The following GLIPR1 variants were observed in gnomAD, a reference collection of about 807,000 sequenced individuals.
GLIPR1 encodes the protein glioma pathogenesis-related protein 1.
A neutral mutation model predicts 30.3 loss-of-function variants in GLIPR1; 38 were observed. The observed-to-expected ratio is 1.26, with a 90% CI of 0.97 to 1.65. The LOEUF (loss-of-function observed/expected upper bound fraction) is 1.65, where lower values mean the gene tolerates loss of function less well. Ranked by LOEUF, GLIPR1 falls within the 40% of genes most tolerant of loss-of-function variation. The pLI, the probability that GLIPR1 is intolerant of heterozygous loss-of-function variation, is 0.00. For missense variants in GLIPR1, 285 were observed against 326.5 expected (o/e 0.87, Z 0.98); for synonymous variants, 122 against 110.6 (o/e 1.10, Z -0.65).
chr12:75,499,619 T>G lies in GLIPR1; in HGVS notation c.*641T>G, dbSNP rs1056904. 87,140 of 345,396 alleles carry G rather than the reference T, an allele frequency of 0.25. 11,941 individuals carry two copies. Among genetic ancestry groups the G allele is most frequent in the South Asian group, 0.36 (5,236 of 14,694 alleles). 21.4% of individuals were successfully genotyped at this position (345,396 alleles called of 1,614,324 possible). On this transcript the variant is annotated 3_prime_UTR_variant, in exon 6 of 6. Transcript: ENST00000266659. ...ATGTATACAAAGACTTATATACCAC[T>G]TTCTCGTATAAATTTTTCAAAAAAT...
intron 2 of GLIPR1, among the ~76,000 whole-genome samples, chr12:75,486,538 C>T (rs1418165304): frequency 2.0e-5 from 3 of 152,102 alleles, no homozygotes. Context: ...TGAACTCAAG[C>T]CTTGTGGCTC....
chr12:75,495,961 A>AT, intron 4 of GLIPR1: 1 of 211,400 alleles, frequency 4.7e-6, no homozygotes, highest in African/African-American at 2.3e-5. Context: ...AAAAATAAGT[A>AT]TAACAGGTCA....
At chr12:75,496,006 T>TG (rs1409341016) in intron 4 of GLIPR1, 25 of 130,964 alleles carry the variant, frequency 1.9e-4, no homozygotes, top group East Asian at 9.5e-4. Context: ...CGTTTTTTTT[T>TG]TTGTTTTTTT....
Position 75,500,494 on chromosome 12 carries a change from TAATTC to T in GLIPR1, c.*1518_*1522del, listed in dbSNP as rs1318196156. On this transcript the variant is annotated 3_prime_UTR_variant, in exon 6 of 6. Transcript: ENST00000266659. Reference sequence around the variant, plus strand: ...AATATTAATTGAATATTCAATGAATTAATTCATTTAATGTTAGATTAATTCATTGA... The same window carrying T: ...AATATTAATTGAATATTCAATGAATTATTTAATGTTAGATTAATTCATTGA... The T allele has an allele frequency of 2.5e-5, 1 of 39,486 alleles. No individual in the cohort carries two copies. Among genetic ancestry groups the T allele is most frequent in the Non-Finnish European group, 1.1e-4 (1 of 9,316 alleles). The allele number at this position is 39,486 out of a possible 1,614,324, so 2.4% of individuals were successfully genotyped here.
Position 75,502,231 on chromosome 12 carries a change from G to A in GLIPR1, c.*3253G>A, listed in dbSNP as rs886570240. ...ACAACCCAGAGTAGTTCAGGGATAT[G>A]GCATGGAAGGTCACTGATTCAGAAA... On this transcript the variant is annotated 3_prime_UTR_variant, in exon 6 of 6. Coordinates refer to ENST00000266659, the MANE Select transcript of GLIPR1 (RefSeq NM_006851.3). The A allele has an allele frequency of 1.1e-5, 4 of 378,046 alleles. No homozygotes were observed. The highest frequency in any genetic ancestry group is 1.9e-5 in the Non-Finnish European group (4 of 210,668). The allele number at this position is 378,046 out of a possible 1,614,324, so 23.4% of individuals were successfully genotyped here.
chr12:75,498,494 G>A (rs2046365832), intron 4 of GLIPR1, 200 bp from the exon 5 acceptor site: 1 of 521,392 alleles, frequency 1.9e-6, no homozygotes, highest in Non-Finnish European at 3.4e-6. Flanking sequence ...GGTTTATAAA[G>A]TTTATGTAAA....
intron 1 of GLIPR1, chr12:75,481,295 T>G (rs1444491113): frequency 2.8e-6 from 1 of 360,526 alleles, no homozygotes; most frequent in Non-Finnish European, 5.0e-6. Context: ...TTTCTGGTTT[T>G]CAGTGGATTT....
Position 75,502,999 on chromosome 12 carries a change from G to T in GLIPR1, c.*4021G>T, listed in dbSNP as rs1434677582. On this transcript the variant is annotated 3_prime_UTR_variant, in exon 6 of 6. Coordinates refer to ENST00000266659, the MANE Select transcript of GLIPR1 (RefSeq NM_006851.3). ...TCCAACCATGGTTGTGGAAAAAAGA[G>T]ATGTAGAAAGCAATGAGTTCACATG... 2.0e-5 allele frequency: 3 copies of T among 152,018 alleles called. No individual in the cohort carries two copies. Among genetic ancestry groups the T allele is most frequent in the Non-Finnish European group, 2.9e-5 (2 of 67,960 alleles). The allele number at this position is 152,018 out of a possible 1,614,324, so 9.4% of individuals were successfully genotyped here. A position where few individuals can be genotyped will look rare whatever the true frequency, so the allele number is the denominator to read the frequency against.
At chr12:75,481,357 C>CTTTTTTTTTTTTTTTTTTTTTTTT (rs72137011) in intron 1 of GLIPR1, 2 of 144,296 alleles carry the variant, frequency 1.4e-5, no homozygotes, top group African/African-American at 2.8e-5. Flanking sequence ...ATTTGGTTTT[C>CTTTTTTTTTTTTTTTTTTTTTTTT]TTTTTTTTTT....
In GLIPR1 at chr12:75,503,830, C is replaced by A; in HGVS notation, c.*4852C>A. Reference sequence around the variant, plus strand: ...ATATACACATATCCCACCTGAAATACTTTCAATAAAGTTTCTGACCAAATA... The same window carrying A: ...ATATACACATATCCCACCTGAAATAATTTCAATAAAGTTTCTGACCAAATA... On this transcript the variant is annotated 3_prime_UTR_variant, in exon 6 of 6. Transcript: ENST00000266659. 7.5e-7 allele frequency: 1 copy of A among 1,331,862 alleles called. No individual in the cohort carries two copies. Among genetic ancestry groups the A allele is most frequent in the South Asian group, 1.4e-5 (1 of 70,368 alleles). The allele number at this position is 1,331,862 out of a possible 1,614,324, so 82.5% of individuals were successfully genotyped here. A position where few individuals can be genotyped will look rare whatever the true frequency, so the allele number is the denominator to read the frequency against.
chr12:75,501,837 TA>T lies in GLIPR1; in HGVS notation c.*2860del. The T allele has an allele frequency of 6.4e-7, 1 of 1,574,014 alleles. No homozygotes were observed. The highest frequency in any genetic ancestry group is 1.1e-5 in the South Asian group (1 of 88,238). On this transcript the variant is annotated 3_prime_UTR_variant, in exon 6 of 6. Coordinates refer to ENST00000266659, the MANE Select transcript of GLIPR1 (RefSeq NM_006851.3). ...TTAGCCTACATTAATAAATAAAAAATATATCAGTTAAATGTATTTATAGTTA... is the reference window on the plus strand; with the variant it reads ...TTAGCCTACATTAATAAATAAAAAATTATCAGTTAAATGTATTTATAGTTA...
intron 3 of GLIPR1, 56 bp from the exon 4 acceptor site, chr12:75,495,521 T>C (rs2046344804): frequency 2.3e-6 from 2 of 874,502 alleles, no homozygotes; most frequent in Admixed American, 1.8e-5. Context: ...TCATAGTAAA[T>C]TGCAATTTTA....
In GLIPR1 at chr12:75,503,010, C is replaced by A. The variant is rs1039765681; in HGVS notation, c.*4032C>A. 6.6e-6 allele frequency: 1 copy of A among 151,940 alleles called. No homozygotes were observed. Among genetic ancestry groups the A allele is most frequent in the African/African-American group, 2.4e-5 (1 of 41,386 alleles). The allele number at this position is 151,940 out of a possible 1,614,324, so 9.4% of individuals were successfully genotyped here. On this transcript the variant is annotated 3_prime_UTR_variant, in exon 6 of 6. Transcript: ENST00000266659. ...TTGTGGAAAAAAGAGATGTAGAAAGCAATGAGTTCACATGCTGAGCAGAAG... is the reference window on the plus strand; with the variant it reads ...TTGTGGAAAAAAGAGATGTAGAAAGAAATGAGTTCACATGCTGAGCAGAAG...
intron 2 of GLIPR1, among the ~76,000 whole-genome samples, chr12:75,489,390 A>G (rs1039007661): frequency 2.6e-5 from 4 of 152,070 alleles, no homozygotes; most frequent in African/African-American, 7.2e-5. Flanking sequence ...TTGATCTATT[A>G]TATTTGCCTG....
chr12:75,501,507 G>T lies in GLIPR1; in HGVS notation c.*2529G>T, dbSNP rs1004243009. ...TTTCCAAGCACAGACCAGAGGTCAG[G>T]AGAGGACTGTCAATCCAGTTTGCAC... On this transcript the variant is annotated 3_prime_UTR_variant, in exon 6 of 6. Transcript: ENST00000266659. 2 of 516,716 alleles carry T rather than the reference G, an allele frequency of 3.9e-6. No homozygotes were observed. The highest frequency in any genetic ancestry group is 6.9e-6 in the Non-Finnish European group (2 of 290,876). The allele number at this position is 516,716 out of a possible 1,614,324, so 32.0% of individuals were successfully genotyped here.
Position 75,499,996 on chromosome 12 carries a change from C to G in GLIPR1, c.*1018C>G. 1 of 1,445,490 alleles carries G rather than the reference C, an allele frequency of 6.9e-7. No homozygotes were observed. The highest frequency in any genetic ancestry group is 9.4e-7 in the Non-Finnish European group (1 of 1,067,906). 89.5% of individuals were successfully genotyped at this position (1,445,490 alleles called of 1,614,324 possible). ...AACACATGTAATACTTTAGATTTTA[C>G]CAAGTAAAACAAAGAATATATGTTT... On this transcript the variant is annotated 3_prime_UTR_variant, in exon 6 of 6. Coordinates refer to ENST00000266659, the MANE Select transcript of GLIPR1 (RefSeq NM_006851.3).
At chr12:75,498,660 T>C (rs764414512) in intron 4 of GLIPR1, 34 bp from the exon 5 acceptor site, 14 of 1,584,112 alleles carry the variant, frequency 8.8e-6, no homozygotes, top group Non-Finnish European at 1.2e-5. Context: ...TCTACCCTTT[T>C]AATTTTTTTT....
chr12:75,484,511 G>T (rs2046284705), intron 2 of GLIPR1: 1 of 152,200 alleles, frequency 6.6e-6, no homozygotes, highest in African/African-American at 2.4e-5. Flanking sequence ...AATTTCACTT[G>T]CGTCCTTGTG....
At chr12:75,491,567 G>GTTTTAAGA (rs2046324088) in intron 3 of GLIPR1, 1 of 151,974 alleles carries the variant, frequency 6.6e-6, no homozygotes, top group South Asian at 2.1e-4. Flanking sequence ...AGTACATATT[G>GTTTTAAGA]CCAAATTACA....
Sources: allele counts gnomAD v4.1 joint callset (sites outside exome capture counted in the v4.1 genomes callset), GRCh38; gene constraint gnomAD v4.1.1; transcripts MANE v1.5; gene names NCBI Gene and HGNC (gene_info 2026-07-23, HGNC 2026-07-21).